The following ADGRD1 variants were observed in gnomAD, a reference collection of about 807,000 sequenced individuals.
ADGRD1 encodes adhesion G protein-coupled receptor D1.
A neutral mutation model predicts 113.4 loss-of-function variants in ADGRD1; 77 were observed. That is an observed-to-expected ratio of 0.68 (90% CI 0.57 to 0.82). The LOEUF (loss-of-function observed/expected upper bound fraction) is 0.82. Among genes scored for constraint, ADGRD1 ranks in the 40% least tolerant of loss-of-function variants. The probability of loss-of-function intolerance (pLI) is 0.00; values close to 1 mark genes in which losing one functional copy is unlikely to be tolerated. For missense variants in ADGRD1, 1,036 were observed against 1,139.1 expected, an observed-to-expected ratio of 0.91 and a Z score of 1.30; for synonymous variants, 474 against 475.0, an observed-to-expected ratio of 1.00 and a Z score of 0.03.
chr12:131,046,967 G>T (rs917277527), intron 13 of ADGRD1, among the ~76,000 whole-genome samples: 1 of 148,440 alleles, frequency 6.7e-6, no homozygotes, highest in South Asian at 2.2e-4. Context: ...CCTGGTCAAT[G>T]CTCCCTCCCT....
At chr12:130,980,829 A>T (rs1872891372) in intron 4 of ADGRD1, 1 of 152,224 alleles carries the variant, frequency 6.6e-6, no homozygotes, top group African/African-American at 2.4e-5. Context: ...AATTGTCATA[A>T]TTTACTGTAA....
At chr12:131,099,058 C>T (rs1566108179) in intron 15 of ADGRD1, among the ~76,000 whole-genome samples, 1 of 152,234 alleles carries the variant, frequency 6.6e-6, no homozygotes, top group Non-Finnish European at 1.5e-5. Context: ...CATTTCCAAC[C>T]ACTCTTCTGT....
chr12:130,999,772 G>A (rs1038432597), intron 8 of ADGRD1, among the ~76,000 whole-genome samples: 2 of 152,144 alleles, frequency 1.3e-5, no homozygotes, highest in South Asian at 2.1e-4. Context: ...ATGGGAATGT[G>A]GGCTAAGGGG....
intron 13 of ADGRD1, among the ~76,000 whole-genome samples, chr12:131,042,962 G>A (rs926331465): frequency 6.6e-5 from 10 of 152,234 alleles, no homozygotes; most frequent in Non-Finnish European, 4.4e-5. Flanking sequence ...CTGCCCATGC[G>A]AGGCTGCGGC....
intron 13 of ADGRD1, among the ~76,000 whole-genome samples, chr12:131,067,089 T>C (rs1884782201): frequency 6.6e-6 from 1 of 151,416 alleles, no homozygotes; most frequent in Non-Finnish European, 1.5e-5. Flanking sequence ...ATGGGGGGCT[T>C]GCTGACAGGG....
intron 13 of ADGRD1, among the ~76,000 whole-genome samples, chr12:131,048,841 C>G (rs35216313): frequency 2.0e-5 from 3 of 152,098 alleles, no homozygotes; most frequent in Non-Finnish European, 4.4e-5. Flanking sequence ...TGCTGTCTCC[C>G]CTCTCCGAGA....
rs547093942 is a variant in ADGRD1 at position 131,066,251 on chromosome 12, C to T, written c.1474-10550C>T. Among the ~76,000 whole-genome samples, 5 of 152,306 alleles carry T rather than the reference C, an allele frequency of 3.3e-5. No individual in the cohort carries two copies. In the South Asian group the frequency reaches 6.2e-4, roughly 19 times the overall value. On this transcript the variant is annotated intron_variant, in intron 13 of 24. Transcript: ENST00000261654. The stretch of plus-strand genomic sequence containing the variant: ...AATCCTGGCCGCTCATCCTCTGCCA[C>T]GGGGAGGGCGGAGGATGTGATCTCA...
intron 12 of ADGRD1, among the ~76,000 whole-genome samples, chr12:131,010,053 G>A (rs1395134510): frequency 1.3e-5 from 2 of 152,222 alleles, no homozygotes; most frequent in South Asian, 2.1e-4. Context: ...AGAGAACAAC[G>A]TCACCTGGGC....
At chr12:131,089,612 C>T (rs1886764173) in intron 15 of ADGRD1, among the ~76,000 whole-genome samples, 1 of 151,928 alleles carries the variant, frequency 6.6e-6, no homozygotes, top group Non-Finnish European at 1.5e-5. Context: ...GTGCTCCCTA[C>T]CTGATGGGTG....
intron 8 of ADGRD1, 96 bp from the exon 9 acceptor site, chr12:131,000,287 G>T: frequency 2.2e-6 from 2 of 890,834 alleles, no homozygotes; most frequent in Non-Finnish European, 3.8e-6. Context: ...ACTGGTGGTT[G>T]ATAGAGACCC....
intron 15 of ADGRD1, among the ~76,000 whole-genome samples, chr12:131,093,050 C>T (rs1000013637): frequency 6.6e-6 from 1 of 151,900 alleles, no homozygotes; most frequent in Non-Finnish European, 1.5e-5. Context: ...AAGCAGCTGC[C>T]CCTCCTCATC....
chr12:130,969,246 G>T, intron 3 of ADGRD1: 1 of 592,624 alleles, frequency 1.7e-6, no homozygotes, highest in Non-Finnish European at 3.0e-6. Context: ...CTAGGGTTAA[G>T]TCTAAAGGAA....
At chr12:130,963,462 G>C (rs962077932) in intron 2 of ADGRD1, among the ~76,000 whole-genome samples, 1 of 151,984 alleles carries the variant, frequency 6.6e-6, no homozygotes, top group African/African-American at 2.4e-5. Context: ...GGTTTCTGCA[G>C]TATCTCTCCA....
intron 8 of ADGRD1, among the ~76,000 whole-genome samples, chr12:130,997,744 C>T (rs1391389171): frequency 1.3e-5 from 2 of 150,870 alleles, no homozygotes; most frequent in African/African-American, 2.4e-5. Flanking sequence ...AGAGGGGCTC[C>T]TCACATCCCA....
chr12:131,138,328 G>A (rs965055437), intron 24 of ADGRD1, 99 bp downstream of exon 24: 17 of 960,164 alleles, frequency 1.8e-5, no homozygotes, highest in Middle Eastern at 2.2e-4. Flanking sequence ...AGGTGGCTTC[G>A]GGTGCCCAGC....
In ADGRD1 at chr12:131,000,371, G is replaced by T. The variant is rs751443983; in HGVS notation, c.967-12G>T. The T allele has an allele frequency of 6.2e-7, 1 of 1,611,368 alleles. No homozygotes were observed. The highest frequency in any genetic ancestry group is 2.2e-5 in the East Asian group (1 of 44,848). ...GACAGGTGCTGAGCAGTGTCATTTTGTCCACCTTTAGACCTTCTTAAAAGC... is the reference window on the plus strand; with the variant it reads ...GACAGGTGCTGAGCAGTGTCATTTTTTCCACCTTTAGACCTTCTTAAAAGC... On this transcript the variant is annotated splice_polypyrimidine_tract_variant and intron_variant, in intron 8 of 24. Transcript: ENST00000261654.
intron 6 of ADGRD1, chr12:130,989,124 C>T (rs1329546611): frequency 1.3e-5 from 2 of 152,206 alleles, no homozygotes; most frequent in Non-Finnish European, 2.9e-5. Flanking sequence ...CTAGCACTGA[C>T]AGAGGGCAAA....
intron 9 of ADGRD1, chr12:131,002,633 G>C (rs1350201802): frequency 1.8e-6 from 2 of 1,106,336 alleles, no homozygotes; most frequent in Non-Finnish European, 2.2e-6. Flanking sequence ...TGTCTACCAG[G>C]ATCCTCTGCT....
Position 131,136,241 on chromosome 12 carries a change from G to T in ADGRD1, c.2394+78G>T, listed in dbSNP as rs917112505. 7.7e-6 allele frequency: 12 copies of T among 1,556,532 alleles called. No individual in the cohort carries two copies. The Admixed American group carries it at 2.2e-4, about 28-fold the overall frequency. On this transcript the variant is annotated intron_variant, in intron 22 of 24. Coordinates refer to ENST00000261654, the MANE Select transcript of ADGRD1 (RefSeq NM_198827.5). ...GGCTTGCAGGGAGCTAGGGCTGCAG[G>T]GGCAGGAGGGAGGCCTGCCCTCCCG...
Sources: allele counts gnomAD v4.1 joint callset (sites outside exome capture counted in the v4.1 genomes callset), GRCh38; gene constraint gnomAD v4.1.1; transcripts MANE v1.5; gene names NCBI Gene and HGNC (gene_info 2026-07-23, HGNC 2026-07-21).